Variants in JPH2 observed in about 807,000 individuals in gnomAD.
JPH2 encodes the protein junctophilin-2.
In JPH2, 38 loss-of-function variants were observed where a neutral mutation model predicts 55.9. That is an observed-to-expected ratio of 0.68 (90% CI 0.52 to 0.89). The LOEUF (loss-of-function observed/expected upper bound fraction) is 0.89. JPH2 is among the 40% of genes least tolerant of loss of function. JPH2 has a pLI of 0.00. For synonymous variants in JPH2, 480 were observed against 472.4 expected (o/e 1.02, Z -0.21); for missense variants, 964 against 1,037.6 (o/e 0.93, Z 0.97).
rs1263287486 is a variant in JPH2 at position 44,133,970 on chromosome 20, A to AAAT, written c.1170-15348_1170-15347insATT. 1.3e-4 allele frequency among the ~76,000 whole-genome samples: 6 copies of AAAT among 46,648 alleles called. 1 individual carries two copies. Among genetic ancestry groups the AAAT allele is most frequent in the African/African-American group, 2.1e-4 (2 of 9,624 alleles). The allele number at this position is 46,648 out of a possible 152,430, so 30.6% of individuals were successfully genotyped here. ...ATATATATAAATAAATATATATTATAATATATAAATATATATTATTATAAA... is the reference window on the plus strand; with the variant it reads ...ATATATATAAATAAATATATATTATAAATATATATAAATATATATTATTATAAA... On this transcript the variant is annotated intron_variant, in intron 2 of 5. Transcript: ENST00000372980.
At chr20:44,177,181 C>T (rs776303002) in intron 1 of JPH2, 38 of 985,522 alleles carry the variant, frequency 3.9e-5, no homozygotes, top group Middle Eastern at 5.2e-4. Flanking sequence ...GGCTTCAGCT[C>T]GGGAAGGGAT....
chr20:44,148,232 G>A (rs771412537), intron 2 of JPH2, among the ~76,000 whole-genome samples: 1 of 152,182 alleles, frequency 6.6e-6, no homozygotes, highest in Non-Finnish European at 1.5e-5. Context: ...AGAATTAGAT[G>A]AGTTAATTTA....
chr20:44,110,778 C>T lies in JPH2; in HGVS notation c.*2740G>A, dbSNP rs1282957834. ...AATCTATCTCATTTGAGCCTCACAA[C>T]TGCATTGCCTATGAGGAAGACCATG... On this transcript the variant is annotated 3_prime_UTR_variant, in exon 6 of 6. Coordinates refer to ENST00000372980, the MANE Select transcript of JPH2 (RefSeq NM_020433.5). 6.6e-6 allele frequency among the ~76,000 whole-genome samples: 1 copy of T among 152,284 alleles called. No homozygotes were observed. Among genetic ancestry groups the T allele is most frequent in the Non-Finnish European group, 1.5e-5 (1 of 68,012 alleles).
At chr20:44,116,422 C>A in intron 3 of JPH2, 36 bp from the exon 4 acceptor site, 1 of 1,543,400 alleles carries the variant, frequency 6.5e-7, no homozygotes, top group Non-Finnish European at 8.7e-7. Flanking sequence ...GGCTCGAACC[C>A]CGCACCACTG....
At chr20:44,113,956 CT>C (rs1288066807) in intron 5 of JPH2, among the ~76,000 whole-genome samples, 1 of 152,156 alleles carries the variant, frequency 6.6e-6, no homozygotes. Context: ...ATAGACTTTC[CT>C]GGGGCTGATT....
chr20:44,149,024 G>A (rs1475109047), intron 2 of JPH2, among the ~76,000 whole-genome samples: 6 of 149,174 alleles, frequency 4.0e-5, no homozygotes, highest in Non-Finnish European at 8.9e-5. Context: ...CTGAGATGGC[G>A]CCACTGCACT....
intron 2 of JPH2, among the ~76,000 whole-genome samples, chr20:44,143,555 GTCCCC>G (rs2072473783): frequency 6.6e-6 from 1 of 152,194 alleles, no homozygotes; most frequent in African/African-American, 2.4e-5. Context: ...GCTGGATCCA[GTCCCC>G]GTGGTCTGCA....
At chr20:44,128,619 G>C (rs1189290956) in intron 2 of JPH2, among the ~76,000 whole-genome samples, 1 of 151,818 alleles carries the variant, frequency 6.6e-6, no homozygotes, top group East Asian at 1.9e-4. Context: ...CTTCCTCAAA[G>C]AAAATTTTGG....
At chr20:44,123,893 G>A (rs1418148380) in intron 2 of JPH2, among the ~76,000 whole-genome samples, 1 of 152,128 alleles carries the variant, frequency 6.6e-6, no homozygotes, top group Non-Finnish European at 1.5e-5. Flanking sequence ...AGCCTTGGAT[G>A]TTTTCCTTTT....
intron 2 of JPH2, among the ~76,000 whole-genome samples, chr20:44,124,805 G>C (rs2072264011): frequency 6.8e-6 from 1 of 147,490 alleles, no homozygotes; most frequent in South Asian, 2.1e-4. Flanking sequence ...TATTTGAATG[G>C]TTAGAAAAAA....
intron 5 of JPH2, among the ~76,000 whole-genome samples, chr20:44,114,253 G>A (rs2072169002): frequency 1.3e-5 from 2 of 152,204 alleles, no homozygotes. Context: ...CAGGCTGGGT[G>A]TGCCAAGGGA....
chr20:44,159,383 G>A lies in JPH2; in HGVS notation c.1169+235C>T, dbSNP rs191587572. Among the ~76,000 whole-genome samples the A allele has an allele frequency of 5.3e-5, 8 of 152,236 alleles. No homozygotes were observed. Among genetic ancestry groups the A allele is most frequent in the Admixed American group, 5.2e-4 (8 of 15,300 alleles). ...GGCTGTTCAGGTGGATATTAGAAAG[G>A]TTGGGTGAGTGGTAGGGTTAAGTCA... On this transcript the variant is annotated intron_variant, in intron 2 of 5. Coordinates refer to ENST00000372980, the MANE Select transcript of JPH2 (RefSeq NM_020433.5). The surrounding 1 kb of genome is among the most constrained non-coding windows in gnomAD (Gnocchi z 5.7).
At position 44,110,961 on chromosome 20, in the gene JPH2, G is replaced by C. The variant is rs6073331; in HGVS notation, c.*2557C>G. Among the ~76,000 whole-genome samples the C allele has an allele frequency of 0.3, 44,920 of 152,074 alleles. 6,921 individuals carry two copies. Among genetic ancestry groups the C allele is most frequent in the East Asian group, 0.47 (2,435 of 5,166 alleles). Reference sequence around the variant, plus strand: ...TGAACTCGAGCCTACTGTTGGTTGAGGGACCTTCTTCTCCAACCCCCTCGC... The same window carrying C: ...TGAACTCGAGCCTACTGTTGGTTGACGGACCTTCTTCTCCAACCCCCTCGC... On this transcript the variant is annotated 3_prime_UTR_variant, in exon 6 of 6. Coordinates refer to ENST00000372980, the MANE Select transcript of JPH2 (RefSeq NM_020433.5).
chr20:44,110,060 C>T lies in JPH2; in HGVS notation c.*3458G>A, dbSNP rs1197120990. On this transcript the variant is annotated 3_prime_UTR_variant, in exon 6 of 6. Coordinates refer to ENST00000372980, the MANE Select transcript of JPH2 (RefSeq NM_020433.5). ...CAAGATTAGAAGAGGAGGCATCGGC[C>T]TGGCTGTGTCCTACCCTTGAGCCAA... Among the ~76,000 whole-genome samples, 2 of 152,178 alleles carry T rather than the reference C, an allele frequency of 1.3e-5. No individual in the cohort carries two copies. Among genetic ancestry groups the T allele is most frequent in the Non-Finnish European group, 2.9e-5 (2 of 68,020 alleles).
intron 2 of JPH2, among the ~76,000 whole-genome samples, chr20:44,123,017 C>T (rs2072249258): frequency 6.6e-6 from 1 of 152,130 alleles, no homozygotes; most frequent in African/African-American, 2.4e-5. Context: ...GTTGAGGACT[C>T]CTCAGGCAGG....
intron 2 of JPH2, among the ~76,000 whole-genome samples, chr20:44,139,832 T>G (rs538051367): frequency 2.6e-4 from 40 of 152,292 alleles, no homozygotes; most frequent in African/African-American, 9.4e-4. Flanking sequence ...GGACTCTTTA[T>G]AGTAATACTT....
intron 3 of JPH2, among the ~76,000 whole-genome samples, chr20:44,117,150 G>C (rs957356032): frequency 6.6e-6 from 1 of 152,078 alleles, no homozygotes; most frequent in Non-Finnish European, 1.5e-5. Context: ...ATGGTGGCGC[G>C]TGCCTGTAAT....
At position 44,110,332 on chromosome 20, in the gene JPH2, C is replaced by T. The variant is rs1051581502; in HGVS notation, c.*3186G>A. On this transcript the variant is annotated 3_prime_UTR_variant, in exon 6 of 6. Transcript: ENST00000372980. Reference sequence around the variant, plus strand: ...TATCAAAGGCTACAGATAACAATTCCCTCCCCATTTCCACTCCCACCTCCC... The same window carrying T: ...TATCAAAGGCTACAGATAACAATTCTCTCCCCATTTCCACTCCCACCTCCC... 6.6e-6 allele frequency among the ~76,000 whole-genome samples: 1 copy of T among 152,160 alleles called. No homozygotes were observed. Among genetic ancestry groups the T allele is most frequent in the African/African-American group, 2.4e-5 (1 of 41,438 alleles).
rs763058686 is a variant in JPH2 at position 44,186,315 on chromosome 20, A to C, written c.379+12T>G. ...CTCCACCCCACCTCTGCGGGCCCCC[A>C]GCTGGCCTCACCTCCATCAGCATAG... On this transcript the variant is annotated intron_variant, in intron 1 of 5. Coordinates refer to ENST00000372980, the MANE Select transcript of JPH2 (RefSeq NM_020433.5). 87 of 1,599,880 alleles carry C rather than the reference A, an allele frequency of 5.4e-5. No individual in the cohort carries two copies. The highest frequency in any genetic ancestry group is 5.0e-4 in the Middle Eastern group (3 of 6,056).
Sources: gnomAD v4.1 joint callset for allele counts (sites outside exome capture counted in the v4.1 genomes callset) on GRCh38, gnomAD v4.1.1 for gene constraint, Gnocchi (gnomAD v3.1) non-coding constraint, MANE v1.5 for transcripts, NCBI Gene and HGNC (gene_info 2026-07-23, HGNC 2026-07-21) for gene names.